KCND2: variants seen among roughly 807,000 people sequenced by gnomAD.
KCND2 encodes the protein potassium voltage-gated channel subfamily D member 2.
KCND2 carries 16 observed loss-of-function variants against 54.4 expected under a neutral mutation model. That is an observed-to-expected ratio of 0.29 (90% CI 0.20 to 0.45). The LOEUF is 0.45. Ranked by LOEUF, KCND2 falls within the 20% of genes least tolerant of loss-of-function variation. The probability of loss-of-function intolerance (pLI) is 1.00; values close to 1 mark genes in which losing one functional copy is unlikely to be tolerated. For missense variants in KCND2, 486 were observed against 824.2 expected, an observed-to-expected ratio of 0.59 and a Z score of 5.02; for synonymous variants, 317 against 310.7, an observed-to-expected ratio of 1.02 and a Z score of -0.21.
chr7:120,428,275 T>C (rs1801741319), intron 1 of KCND2, among the ~76,000 whole-genome samples: 1 of 152,204 alleles, frequency 6.6e-6, no homozygotes, highest in Non-Finnish European at 1.5e-5. Flanking sequence ...TTGTTTAAGA[T>C]CTAACATGAG....
At chr7:120,720,719 C>A (rs763799840) in intron 1 of KCND2, among the ~76,000 whole-genome samples, 1 of 152,188 alleles carries the variant, frequency 6.6e-6, no homozygotes, top group Non-Finnish European at 1.5e-5. Context: ...TGAAAAACTT[C>A]CTCCTCCCTT....
chr7:120,325,187 A>G (rs929727306), intron 1 of KCND2, among the ~76,000 whole-genome samples: 5 of 118,586 alleles, frequency 4.2e-5, no homozygotes, highest in Non-Finnish European at 7.1e-5. Context: ...TTATCAGCTT[A>G]AGGAGATTTT....
intron 1 of KCND2, among the ~76,000 whole-genome samples, chr7:120,367,073 T>TA (rs1411275643): frequency 6.6e-6 from 1 of 152,162 alleles, no homozygotes; most frequent in Non-Finnish European, 1.5e-5. Flanking sequence ...GCATGCATAT[T>TA]ATGTGCCAAG....
chr7:120,289,057 C>T (rs1234456330), intron 1 of KCND2, among the ~76,000 whole-genome samples: 2 of 36,840 alleles, frequency 5.4e-5, no homozygotes, highest in Admixed American at 5.7e-4. Flanking sequence ...CACACACACA[C>T]ACACACACAC....
At chr7:120,389,467 G>A (rs189949068) in intron 1 of KCND2, among the ~76,000 whole-genome samples, 1 of 151,594 alleles carries the variant, frequency 6.6e-6, no homozygotes, top group Admixed American at 6.6e-5. Flanking sequence ...AGATTTTTAG[G>A]TTTCTTTATC....
In KCND2 at chr7:120,560,123, G is replaced by A. The variant is rs142774821; in HGVS notation, c.1116-172780G>A. 4.4e-3 allele frequency among the ~76,000 whole-genome samples: 663 copies of A among 152,158 alleles called. 3 individuals carry two copies. The highest frequency in any genetic ancestry group is 0.015 in the African/African-American group (611 of 41,504). On this transcript the variant is annotated intron_variant, in intron 1 of 5. Coordinates refer to ENST00000331113, the MANE Select transcript of KCND2 (RefSeq NM_012281.3). ...GCATGTTGGCCAAAATTGTTGGGTC[G>A]TTCTCAGTTAAAATTTAGCATTAAT... is the stretch of plus-strand genomic sequence containing the variant.
chr7:120,550,894 T>C (rs1356525824), intron 1 of KCND2, among the ~76,000 whole-genome samples: 1 of 152,196 alleles, frequency 6.6e-6, no homozygotes, highest in Admixed American at 6.5e-5. Context: ...AAATACCTCA[T>C]TTTAAATGAT....
At chr7:120,351,060 T>C (rs954250616) in intron 1 of KCND2, among the ~76,000 whole-genome samples, 9 of 151,868 alleles carry the variant, frequency 5.9e-5, no homozygotes, top group African/African-American at 1.2e-4. Context: ...TAAAACCTTA[T>C]AGAATTATTA....
intron 1 of KCND2, among the ~76,000 whole-genome samples, chr7:120,422,246 C>T (rs1193270090): frequency 6.6e-6 from 1 of 152,204 alleles, no homozygotes. Flanking sequence ...TCTCAAGCTT[C>T]TTTTAAAATT....
chr7:120,668,778 T>C (rs1206213154), intron 1 of KCND2, among the ~76,000 whole-genome samples: 4 of 152,072 alleles, frequency 2.6e-5, no homozygotes, highest in African/African-American at 9.7e-5. Context: ...AGAAAATCAA[T>C]AATGTCCTAG....
chr7:120,515,680 G>A (rs989004182), intron 1 of KCND2, among the ~76,000 whole-genome samples: 20 of 152,126 alleles, frequency 1.3e-4, no homozygotes, highest in Non-Finnish European at 5.9e-5. Context: ...ATCCCAGCTG[G>A]CTGGGGCTTG....
chr7:120,707,726 G>A (rs1226184019), intron 1 of KCND2, among the ~76,000 whole-genome samples: 1 of 152,006 alleles, frequency 6.6e-6, no homozygotes, highest in Non-Finnish European at 1.5e-5. Context: ...GCTGTTGAGG[G>A]ATGACAAGCA....
chr7:120,621,393 A>G (rs1430168320), intron 1 of KCND2, among the ~76,000 whole-genome samples: 1 of 151,736 alleles, frequency 6.6e-6, no homozygotes, highest in Non-Finnish European at 1.5e-5. Flanking sequence ...GCTTCTTTAA[A>G]CACATTGAAG....
rs368847304 is a variant in KCND2, at chr7:120,504,520, T to G, written c.1116-228383T>G. ...TCATCTTATATTTGATGGCAGTTAA[T>G]TGTTAGTTGGTTTTAATTATACATC... On this transcript the variant is annotated intron_variant, in intron 1 of 5. Transcript: ENST00000331113. Among the ~76,000 whole-genome samples, 2 of 151,890 alleles carry G rather than the reference T, an allele frequency of 1.3e-5. 1 individual carries two copies. Among genetic ancestry groups the G allele is most frequent in the East Asian group, 3.8e-4 (2 of 5,196 alleles).
intron 1 of KCND2, among the ~76,000 whole-genome samples, chr7:120,668,924 T>C: frequency 6.6e-6 from 1 of 152,068 alleles, no homozygotes; most frequent in African/African-American, 2.4e-5. Flanking sequence ...AAATTTGATC[T>C]GTTCCTTTAA....
chr7:120,479,815 A>AAAT (rs1802579161), intron 1 of KCND2, among the ~76,000 whole-genome samples: 1 of 149,216 alleles, frequency 6.7e-6, no homozygotes, highest in Admixed American at 6.7e-5. Context: ...AAAAAAAAAA[A>AAAT]AAAATTAGCC....
chr7:120,427,638 T>A (rs1291429267), intron 1 of KCND2, among the ~76,000 whole-genome samples: 1 of 152,162 alleles, frequency 6.6e-6, no homozygotes, highest in African/African-American at 2.4e-5. Context: ...TTTAAGAATA[T>A]GAAAACATGA....
At chr7:120,520,025 G>A (rs1462534028) in intron 1 of KCND2, among the ~76,000 whole-genome samples, 1 of 151,894 alleles carries the variant, frequency 6.6e-6, no homozygotes, top group Non-Finnish European at 1.5e-5. Context: ...TTTTTCAAAA[G>A]TAATGATTGC....
At chr7:120,582,690 A>G (rs1400194601) in intron 1 of KCND2, among the ~76,000 whole-genome samples, 1 of 152,186 alleles carries the variant, frequency 6.6e-6, no homozygotes, top group Non-Finnish European at 1.5e-5. Flanking sequence ...AATTATAAAA[A>G]AATATATTCT....
Sources: gnomAD v4.1 joint callset for allele counts (sites outside exome capture counted in the v4.1 genomes callset) on GRCh38, gnomAD v4.1.1 for gene constraint, MANE v1.5 for transcripts, NCBI Gene and HGNC (gene_info 2026-07-23, HGNC 2026-07-21) for gene names.